MORN3: variants seen among roughly 807,000 people sequenced by gnomAD.
MORN3 encodes MORN repeat-containing protein 3.
Under a neutral mutation model 34.7 loss-of-function variants are expected in MORN3, and 38 were observed. The ratio of observed to expected loss-of-function variants is 1.10; its 90% CI spans 0.85 to 1.44. MORN3 has a LOEUF of 1.44. MORN3 is among the 40% of genes most tolerant of loss of function. MORN3 has a pLI of 0.00. For missense variants in MORN3, 311 were observed against 321.7 expected (o/e 0.97, Z 0.25); for synonymous variants, 109 against 115.3 (o/e 0.95, Z 0.35).
upstream of MORN3, among the ~76,000 whole-genome samples, chr12:121,672,201 G>C (rs2136892942): frequency 6.6e-6 from 1 of 152,074 alleles, no homozygotes; most frequent in East Asian, 1.9e-4. Context: ...GCTGCCGCCT[G>C]CAATCCCAGC....
Position 121,654,365 on chromosome 12 carries a change from G to A in MORN3, c.372C>T (p.Ser124=), listed in dbSNP as rs782815065. 1.6e-5 allele frequency: 26 copies of A among 1,600,054 alleles called. No homozygotes were observed. The highest frequency in any genetic ancestry group is 2.1e-5 in the Non-Finnish European group (25 of 1,174,006). Residue 124 remains serine (S), a synonymous_variant, in exon 3 of 6, where the codon AGC becomes AGT. Transcript: ENST00000355329. ...TGCTGTAATACATGCGGCCCCACCC[G>A]CTGCGCTGGCTGCCACACCAGTCAC... ...YEGDWCGSQR[S]GWGRMYYSNG...
chr12:121,654,043 T>C (rs1409208396), intron 3 of MORN3, among the ~76,000 whole-genome samples: 1 of 152,086 alleles, frequency 6.6e-6, no homozygotes, highest in Non-Finnish European at 1.5e-5. Flanking sequence ...TCTGTCTCTG[T>C]GGAGGTGCGT....
At chr12:121,654,251 G>A in intron 3 of MORN3, 23 bp downstream of exon 3, 1 of 1,451,220 alleles carries the variant, frequency 6.9e-7, no homozygotes. Context: ...GGTGGGCGGG[G>A]CCGGCGGGGG....
intron 4 of MORN3, 86 bp downstream of exon 4, chr12:121,652,989 G>A (rs1555325245): frequency 6.8e-7 from 1 of 1,481,056 alleles, no homozygotes; most frequent in African/African-American, 1.4e-5. Flanking sequence ...GGCTGGGCCT[G>A]GCAGATCTGG....
At chr12:121,663,632 T>C (rs1893652700) in intron 1 of MORN3, among the ~76,000 whole-genome samples, 1 of 152,164 alleles carries the variant, frequency 6.6e-6, no homozygotes. Context: ...CCATTCTAAT[T>C]TTCTGAAAAG....
chr12:121,655,453 T>C (rs1356364193), intron 2 of MORN3, among the ~76,000 whole-genome samples: 1 of 152,076 alleles, frequency 6.6e-6, no homozygotes, highest in Non-Finnish European at 1.5e-5. Flanking sequence ...CTTACGCCTA[T>C]AATCCCAGCA....
chr12:121,666,513 A>G (rs2136884045), intron 1 of MORN3, among the ~76,000 whole-genome samples: 1 of 152,242 alleles, frequency 6.6e-6, no homozygotes, highest in Admixed American at 6.6e-5. Flanking sequence ...CAAACAAGAC[A>G]AAACTATATC....
chr12:121,656,647 G>T (rs1893426058), intron 2 of MORN3, among the ~76,000 whole-genome samples: 1 of 152,020 alleles, frequency 6.6e-6, no homozygotes, highest in Admixed American at 6.6e-5. Context: ...CCCTAGCTGG[G>T]ACTACAGGTA....
upstream of MORN3, among the ~76,000 whole-genome samples, chr12:121,671,320 T>A (rs1453352897): frequency 5.6e-5 from 8 of 143,764 alleles, no homozygotes; most frequent in Non-Finnish European, 1.5e-5. Context: ...GGCAGGAGAA[T>A]GGCATGACCC....
rs376351158 is a variant in MORN3, at chr12:121,669,530, A to G, written c.-47T>C. ...GGAGGGTGCTGGAAAGGGGTTAGGG[A>G]CATCTGGGGCTCAGCGCGCCCCGTG... On this transcript the variant is annotated 5_prime_UTR_variant, in exon 1 of 6. Transcript: ENST00000355329. 5 of 1,608,180 alleles carry G rather than the reference A, an allele frequency of 3.1e-6. No homozygotes were observed. Among genetic ancestry groups the G allele is most frequent in the Non-Finnish European group, 4.2e-6 (5 of 1,176,708 alleles).
intron 3 of MORN3, among the ~76,000 whole-genome samples, chr12:121,653,861 T>A (rs577360289): frequency 5.9e-5 from 9 of 152,152 alleles, no homozygotes; most frequent in Non-Finnish European, 1.2e-4. Context: ...CATTTTGAAG[T>A]GTATAGTTCA....
chr12:121,670,603 G>A (rs368347448), upstream of MORN3, among the ~76,000 whole-genome samples: 9 of 152,078 alleles, frequency 5.9e-5, no homozygotes, highest in East Asian at 1.7e-3. Flanking sequence ...GAGGTCAGGA[G>A]TTCGAGACCA....
At chr12:121,664,713 AT>A (rs1182065627) in intron 1 of MORN3, among the ~76,000 whole-genome samples, 2 of 151,932 alleles carry the variant, frequency 1.3e-5, no homozygotes, top group East Asian at 1.9e-4. Context: ...CAATACATTG[AT>A]TGGCTAGGCC....
At chr12:121,663,371 TA>T (rs1893643881) in intron 1 of MORN3, among the ~76,000 whole-genome samples, 1 of 152,128 alleles carries the variant, frequency 6.6e-6, no homozygotes, top group African/African-American at 2.4e-5. Context: ...GCTAATTTTG[TA>T]TTTTTAGTAG....
chr12:121,658,960 G>A (rs551198216), intron 2 of MORN3, among the ~76,000 whole-genome samples: 5 of 152,230 alleles, frequency 3.3e-5, no homozygotes, highest in East Asian at 1.9e-4. Flanking sequence ...GCAGGGTTTC[G>A]TGGGCTCCTC....
intron 1 of MORN3, among the ~76,000 whole-genome samples, chr12:121,666,445 A>C (rs1893757261): frequency 6.6e-6 from 1 of 152,102 alleles, no homozygotes; most frequent in Non-Finnish European, 1.5e-5. Context: ...TGGAGGTTTC[A>C]GTGAGCCGAG....
At chr12:121,654,071 T>A (rs1419056197) in intron 3 of MORN3, among the ~76,000 whole-genome samples, 1 of 152,114 alleles carries the variant, frequency 6.6e-6, no homozygotes, top group East Asian at 1.9e-4. Context: ...AAATTTCATA[T>A]AAATAGCATC....
intron 1 of MORN3, among the ~76,000 whole-genome samples, chr12:121,666,056 A>T (rs184253988): frequency 2.0e-5 from 3 of 152,270 alleles, no homozygotes; most frequent in East Asian, 1.9e-4. Context: ...AAGGCTGGGC[A>T]TGATGGCTCA....
chr12:121,656,913 G>T (rs1293521260), intron 2 of MORN3, among the ~76,000 whole-genome samples: 5 of 152,128 alleles, frequency 3.3e-5, no homozygotes, highest in Admixed American at 2.6e-4. Context: ...ACGTAAATTG[G>T]TTATTCAGGG....
Sources: gnomAD v4.1 joint callset for allele counts (sites outside exome capture counted in the v4.1 genomes callset) on GRCh38, gnomAD v4.1.1 for gene constraint, MANE v1.5 for transcripts, NCBI Gene and HGNC (gene_info 2026-07-23, HGNC 2026-07-21) for gene names.